Variants in SENP7 observed in about 807,000 individuals in gnomAD.
SENP7 encodes SUMO specific peptidase 7.
Under a neutral mutation model 141.2 loss-of-function variants are expected in SENP7, and 64 were observed. The ratio of observed to expected loss-of-function variants is 0.45; its 90% confidence interval spans 0.37 to 0.56. The LOEUF is 0.56. Among genes scored for constraint, SENP7 ranks in the 20% least tolerant of loss-of-function variants. The pLI is 0.00. For synonymous variants in SENP7, 382 were observed against 426.4 expected, an observed-to-expected ratio of 0.90 and a Z score of 1.28; for missense variants, 1,025 against 1,212.2, an observed-to-expected ratio of 0.85 and a Z score of 2.29.
chr3:101,466,623 A>G (rs2063765344), intron 3 of SENP7, among the ~76,000 whole-genome samples: 1 of 152,208 alleles, frequency 6.6e-6, no homozygotes, highest in Admixed American at 6.5e-5. Flanking sequence ...AGAAACACAC[A>G]AAAGTATAAA....
intron 2 of SENP7, among the ~76,000 whole-genome samples, chr3:101,500,698 T>C (rs999309627): frequency 1.3e-5 from 2 of 152,232 alleles, no homozygotes; most frequent in Non-Finnish European, 2.9e-5. Context: ...ATATTCCCAA[T>C]AGTAATGTTC....
At chr3:101,357,872 T>A (rs1360618463) in intron 11 of SENP7, 4 of 560,686 alleles carry the variant, frequency 7.1e-6, no homozygotes, top group Non-Finnish European at 1.3e-5. Context: ...GCAAAGCCTT[T>A]AAGCTGCCTC....
At chr3:101,427,756 T>C (rs539268512) in intron 4 of SENP7, among the ~76,000 whole-genome samples, 1 of 152,288 alleles carries the variant, frequency 6.6e-6, no homozygotes, top group South Asian at 2.1e-4. Flanking sequence ...TGCAGGTCTG[T>C]TACATAGGTA....
At chr3:101,411,448 C>T (rs1029061602) in intron 5 of SENP7, among the ~76,000 whole-genome samples, 1 of 152,146 alleles carries the variant, frequency 6.6e-6, no homozygotes, top group Admixed American at 6.5e-5. Flanking sequence ...CTTCATAGCA[C>T]ACAGCCACAG....
chr3:101,437,157 A>T (rs1433473929), intron 4 of SENP7, among the ~76,000 whole-genome samples: 1 of 152,210 alleles, frequency 6.6e-6, no homozygotes, highest in Non-Finnish European at 1.5e-5. Flanking sequence ...TATTTGTGGG[A>T]TCTAAAAATC....
chr3:101,437,211 C>T (rs1032528735), intron 4 of SENP7, among the ~76,000 whole-genome samples: 19 of 151,996 alleles, frequency 1.3e-4, no homozygotes, highest in Non-Finnish European at 2.6e-4. Flanking sequence ...AGGATGGTTA[C>T]CAAAGGCTGG....
chr3:101,457,444 T>A, intron 4 of SENP7: 1 of 1,593,554 alleles, frequency 6.3e-7, no homozygotes, highest in Admixed American at 1.7e-5. Context: ...AGCTGCTTTG[T>A]CTCGGCATGG....
chr3:101,347,967 C>G lies in SENP7; in HGVS notation c.1742G>C (p.Ser581Thr). The G allele has an allele frequency of 6.2e-7, 1 of 1,610,844 alleles. No individual in the cohort carries two copies. Among genetic ancestry groups the G allele is most frequent in the Non-Finnish European group, 8.5e-7 (1 of 1,177,704 alleles). The change falls in exon 13 of 24, where the codon AGT (serine) becomes ACT (threonine). Residue 581 changes from serine to threonine, a missense_variant. Transcript: ENST00000394095. The stretch of plus-strand genomic sequence containing the variant: ...GAAAAGAATAGCATGACTCCTTTTA[C>G]TGTGATTATCATCCTTACTTTTCCA... Reference protein sequence around the residue: ...GLWKSKDDNHSKRSHAILFFW... With the variant: ...GLWKSKDDNHTKRSHAILFFW...
At chr3:101,348,141 T>C (rs551625214) in intron 12 of SENP7, 90 bp from the exon 13 acceptor site, 17 of 762,650 alleles carry the variant, frequency 2.2e-5, no homozygotes, top group Admixed American at 3.4e-5. Flanking sequence ...AATACACTAC[T>C]TTTTTTAAAA....
intron 2 of SENP7, among the ~76,000 whole-genome samples, chr3:101,499,123 T>C (rs2065271570): frequency 6.6e-6 from 1 of 152,182 alleles, no homozygotes; most frequent in African/African-American, 2.4e-5. Flanking sequence ...GTAACTTTTC[T>C]GTAAGTCTCA....
At chr3:101,451,340 G>C (rs2063126415) in intron 4 of SENP7, among the ~76,000 whole-genome samples, 1 of 152,180 alleles carries the variant, frequency 6.6e-6, no homozygotes, top group South Asian at 2.1e-4. Context: ...AACAGAAAAA[G>C]AGGGAATCCT....
At chr3:101,456,841 G>A (rs977031301) in intron 4 of SENP7, among the ~76,000 whole-genome samples, 2 of 152,084 alleles carry the variant, frequency 1.3e-5, no homozygotes, top group African/African-American at 2.4e-5. Context: ...TGCCTAAGCC[G>A]TACTTGAACT....
intron 10 of SENP7, among the ~76,000 whole-genome samples, chr3:101,362,649 G>T (rs2059931939): frequency 6.6e-6 from 1 of 151,968 alleles, no homozygotes; most frequent in Non-Finnish European, 1.5e-5. Flanking sequence ...AATGTCTATT[G>T]TTCCCATCTT....
intron 2 of SENP7, among the ~76,000 whole-genome samples, chr3:101,494,204 C>A (rs2065076229): frequency 6.6e-6 from 1 of 152,212 alleles, no homozygotes; most frequent in African/African-American, 2.4e-5. Context: ...CCTAACTATT[C>A]TCTTGTCTGC....
chr3:101,369,372 T>A (rs1214014188), intron 7 of SENP7, among the ~76,000 whole-genome samples: 1 of 152,194 alleles, frequency 6.6e-6, no homozygotes, highest in African/African-American at 2.4e-5. Flanking sequence ...TTCTTGCTTT[T>A]ACTGTAGCTT....
intron 11 of SENP7, chr3:101,357,694 A>G: frequency 2.8e-6 from 2 of 716,552 alleles, no homozygotes; most frequent in South Asian, 3.0e-5. Flanking sequence ...AATGTGATAA[A>G]TATGTGAAAG....
At chr3:101,512,089 G>A (rs1276445105) in intron 1 of SENP7, among the ~76,000 whole-genome samples, 3 of 152,168 alleles carry the variant, frequency 2.0e-5, no homozygotes, top group Non-Finnish European at 4.4e-5. Flanking sequence ...CAAGGTGTTG[G>A]CATTACAGGC....
chr3:101,479,630 A>G (rs1019320874), intron 3 of SENP7, among the ~76,000 whole-genome samples: 3 of 151,328 alleles, frequency 2.0e-5, no homozygotes, highest in African/African-American at 7.3e-5. Context: ...AAAGACTCAG[A>G]TCTCATATGC....
At chr3:101,463,378 T>TATATATATATATATATATATATAC (rs2063632896) in intron 3 of SENP7, among the ~76,000 whole-genome samples, 2 of 84,408 alleles carry the variant, frequency 2.4e-5, no homozygotes, top group Non-Finnish European at 4.5e-5. Context: ...TATATATATA[T>TATATATATATATATATATATATAC]ATATATATAT....
Sources: allele counts gnomAD v4.1 joint callset (sites outside exome capture counted in the v4.1 genomes callset), GRCh38; gene constraint gnomAD v4.1.1; transcripts MANE v1.5; gene names NCBI Gene and HGNC (gene_info 2026-07-23, HGNC 2026-07-21).